Variants in TSC22D1 observed in about 807,000 individuals in gnomAD.
TSC22D1 encodes TSC22 domain family member 1.
A neutral mutation model predicts 74.2 loss-of-function variants in TSC22D1; 9 were observed. The ratio of observed to expected loss-of-function variants is 0.12; its 90% CI spans 0.07 to 0.21. The LOEUF is 0.21. Ranked by LOEUF, TSC22D1 falls within the 10% of genes least tolerant of loss-of-function variation. The probability of loss-of-function intolerance (pLI) is 1.00; values close to 1 mark genes in which losing one functional copy is unlikely to be tolerated. For synonymous variants in TSC22D1, 586 were observed against 492.5 expected (o/e 1.19, Z -2.51); for missense variants, 1,427 against 1,304.7 (o/e 1.09, Z -1.44).
chr13:44,548,679 AAGAT>A (rs1881990334), intron 1 of TSC22D1, among the ~76,000 whole-genome samples: 1 of 152,208 alleles, frequency 6.6e-6, no homozygotes, highest in Non-Finnish European at 1.5e-5. Context: ...TAATACCAGC[AAGAT>A]AATCTAGGAA....
chr13:44,553,927 T>C (rs896248908), intron 1 of TSC22D1, among the ~76,000 whole-genome samples: 1 of 152,220 alleles, frequency 6.6e-6, no homozygotes, highest in Non-Finnish European at 1.5e-5. Flanking sequence ...ACTCTTTTCC[T>C]GTAGGGATTG....
intron 1 of TSC22D1, among the ~76,000 whole-genome samples, chr13:44,569,046 T>C (rs2138231548): frequency 6.6e-6 from 1 of 152,278 alleles, no homozygotes; most frequent in Non-Finnish European, 1.5e-5. Flanking sequence ...AGGAAGTTAA[T>C]ACAGACAAAA....
chr13:44,568,615 G>A (rs1883537883), intron 1 of TSC22D1, among the ~76,000 whole-genome samples: 1 of 152,168 alleles, frequency 6.6e-6, no homozygotes, highest in Non-Finnish European at 1.5e-5. Context: ...GGAATTATAG[G>A]CGTGAGCCAC....
At chr13:44,517,825 G>GTATATA (rs1312774694) in intron 1 of TSC22D1, among the ~76,000 whole-genome samples, 2 of 19,256 alleles carry the variant, frequency 1.0e-4, no homozygotes, top group African/African-American at 3.2e-4. Context: ...GTGTGTGTGT[G>GTATATA]TGTGTATATA....
chr13:44,440,587 C>CAAA (rs67344848), intron 1 of TSC22D1, among the ~76,000 whole-genome samples: 111 of 68,152 alleles, frequency 1.6e-3, no homozygotes, highest in African/African-American at 2.3e-3. Context: ...GGCTCTGTCT[C>CAAA]AAAAAAAAAA....
At chr13:44,487,873 C>T (rs1473166757) in intron 1 of TSC22D1, among the ~76,000 whole-genome samples, 5 of 151,938 alleles carry the variant, frequency 3.3e-5, no homozygotes, top group Non-Finnish European at 5.9e-5. Context: ...CCCTGGCCAA[C>T]GTGGCAATAC....
At chr13:44,491,910 C>T (rs945145386) in intron 1 of TSC22D1, among the ~76,000 whole-genome samples, 3 of 152,100 alleles carry the variant, frequency 2.0e-5, no homozygotes, top group African/African-American at 7.2e-5. Context: ...GTATATCTTC[C>T]GTGATTCAGT....
At chr13:44,453,139 G>T (rs1876287342) in intron 1 of TSC22D1, among the ~76,000 whole-genome samples, 1 of 152,186 alleles carries the variant, frequency 6.6e-6, no homozygotes, top group African/African-American at 2.4e-5. Flanking sequence ...AAACTAGTTT[G>T]CCTCTAAGAT....
chr13:44,441,890 C>T (rs1471938627), intron 1 of TSC22D1, among the ~76,000 whole-genome samples: 1 of 152,092 alleles, frequency 6.6e-6, no homozygotes, highest in Non-Finnish European at 1.5e-5. Flanking sequence ...GAGGAAACTA[C>T]CCGAGGCTGG....
intron 1 of TSC22D1, among the ~76,000 whole-genome samples, chr13:44,452,223 T>TAA (rs975367136): frequency 2.0e-5 from 3 of 152,172 alleles, no homozygotes; most frequent in Non-Finnish European, 2.9e-5. Context: ...TGAGATGTTG[T>TAA]AAGGCAACCC....
intron 1 of TSC22D1, among the ~76,000 whole-genome samples, chr13:44,469,292 T>G (rs1877464633): frequency 6.6e-6 from 1 of 152,176 alleles, no homozygotes; most frequent in Non-Finnish European, 1.5e-5. Flanking sequence ...AATCCAAAAT[T>G]CCTTCATAAA....
chr13:44,437,435 C>T (rs1315535304), intron 1 of TSC22D1: 3 of 200,556 alleles, frequency 1.5e-5, no homozygotes, highest in African/African-American at 4.7e-5. Context: ...AAAAAAATCA[C>T]ATTTGCTCTT....
intron 1 of TSC22D1, among the ~76,000 whole-genome samples, chr13:44,507,883 G>C (rs1308935136): frequency 6.6e-6 from 1 of 152,148 alleles, no homozygotes; most frequent in Non-Finnish European, 1.5e-5. Flanking sequence ...AAGGCACTAC[G>C]ACAGCACAAA....
Position 44,574,586 on chromosome 13 carries a change from G to C in TSC22D1, c.1489C>G (p.Gln497Glu). 1 of 1,613,924 alleles carries C rather than the reference G, an allele frequency of 6.2e-7. No homozygotes were observed. Among genetic ancestry groups the C allele is most frequent in the African/African-American group, 1.3e-5 (1 of 74,978 alleles). The change falls in exon 1 of 3, where the codon CAG (glutamine) becomes GAG (glutamate). Residue 497 changes from glutamine (Q) to glutamate (E), a missense_variant. Around this residue, in one of 3 missense-constraint regions of TSC22D1, gnomAD observed 1,343 missense variants for 1,191.5 expected, o/e 1.13. Coordinates refer to ENST00000458659, the MANE Select transcript of TSC22D1 (RefSeq NM_183422.4). ...TGTTGTTGTTGCTGCTGCTGCTGCTGCACCACCACAGTAGGGGCTCCCATC... is the reference window on the plus strand; with the variant it reads ...TGTTGTTGTTGCTGCTGCTGCTGCTCCACCACCACAGTAGGGGCTCCCATC... ...GEMGAPTVVV[Q>E]QQQQQQQQQQ... is the part of the protein sequence containing the mutation.
chr13:44,527,621 A>T (rs1303755313), intron 1 of TSC22D1, among the ~76,000 whole-genome samples: 1 of 152,122 alleles, frequency 6.6e-6, no homozygotes, highest in African/African-American at 2.4e-5. Context: ...GGCAAAATAA[A>T]TTTTTTAAAA....
rs117262895 is a variant in TSC22D1 at position 44,449,819 on chromosome 13, T to C, written c.2913-13724A>G. Reference sequence around the variant, plus strand: ...AATGGTCAACATAATACATCTTAGCTAGAAAGATATAAACTAGAATTTAAA... The same window carrying C: ...AATGGTCAACATAATACATCTTAGCCAGAAAGATATAAACTAGAATTTAAA... On this transcript the variant is annotated intron_variant, in intron 1 of 2. Coordinates refer to ENST00000458659, the MANE Select transcript of TSC22D1 (RefSeq NM_183422.4). 5.3e-3 allele frequency among the ~76,000 whole-genome samples: 810 copies of C among 152,330 alleles called. 1 individual carries two copies. The highest frequency in any genetic ancestry group is 8.8e-3 in the Non-Finnish European group (597 of 68,028).
chr13:44,434,826 C>T lies in TSC22D1; in HGVS notation c.3022G>A (p.Glu1008Lys). ...TTCTCTATTAGTTCTTTGATTTGCT[C>T]TTTGAGGACCTCCACTTCTTCTCTG... ...AVREEVEVLK[E>K]QIKELIEKNS... Residue 1008 changes from glutamate to lysine, a missense_variant, in exon 3 of 3, where the codon GAG becomes AAG. Coordinates refer to ENST00000458659, the MANE Select transcript of TSC22D1 (RefSeq NM_183422.4). 6.2e-7 allele frequency: 1 copy of T among 1,614,012 alleles called. No homozygotes were observed. The highest frequency in any genetic ancestry group is 8.5e-7 in the Non-Finnish European group (1 of 1,180,006).
chr13:44,528,448 A>G (rs1204268923), intron 1 of TSC22D1, among the ~76,000 whole-genome samples: 1 of 152,112 alleles, frequency 6.6e-6, no homozygotes, highest in African/African-American at 2.4e-5. Flanking sequence ...TCTAAATATA[A>G]CATCGGTCAA....
intron 1 of TSC22D1, among the ~76,000 whole-genome samples, chr13:44,569,568 ACTG>A (rs1214073136): frequency 6.6e-6 from 1 of 152,254 alleles, no homozygotes; most frequent in Non-Finnish European, 1.5e-5. Context: ...AACTGATACT[ACTG>A]CTATCCTGAG....
Sources: gnomAD v4.1 joint callset for allele counts (sites outside exome capture counted in the v4.1 genomes callset) on GRCh38, gnomAD v4.1.1 for gene constraint, gnomAD v4.1.1 regional missense constraint, MANE v1.5 for transcripts, NCBI Gene and HGNC (gene_info 2026-07-23, HGNC 2026-07-21) for gene names.